COL9A1: variants seen among roughly 807,000 people sequenced by gnomAD.
The protein encoded by COL9A1 is collagen type IX alpha 1 chain.
In COL9A1, 104 loss-of-function variants were observed where a neutral mutation model predicts 142.6. The ratio of observed to expected loss-of-function variants is 0.73; its 90% CI spans 0.62 to 0.86. The LOEUF (loss-of-function observed/expected upper bound fraction) is 0.86, where lower values mean the gene tolerates loss of function less well. Ranked by LOEUF, COL9A1 falls within the 40% of genes least tolerant of loss-of-function variation. The pLI is 0.00. For missense variants in COL9A1, 1,210 were observed against 1,176.6 expected (o/e 1.03, Z -0.42); for synonymous variants, 466 against 396.0 (o/e 1.18, Z -2.10).
At chr6:70,267,447 C>T (rs1216015090) in intron 17 of COL9A1, among the ~76,000 whole-genome samples, 1 of 151,376 alleles carries the variant, frequency 6.6e-6, no homozygotes, top group Non-Finnish European at 1.5e-5. Flanking sequence ...CTCAGCTTCC[C>T]GAGTAGCTGG....
intron 28 of COL9A1, among the ~76,000 whole-genome samples, chr6:70,249,895 A>G (rs1269721424): frequency 6.6e-6 from 1 of 152,098 alleles, no homozygotes; most frequent in Non-Finnish European, 1.5e-5. Flanking sequence ...TTTTGTATTC[A>G]TGCATGGTTC....
intron 5 of COL9A1, among the ~76,000 whole-genome samples, chr6:70,285,893 C>CTTT (rs1562327494): frequency 2.0e-5 from 3 of 151,936 alleles, no homozygotes; most frequent in African/African-American, 7.3e-5. Flanking sequence ...TTCTTTCTTT[C>CTTT]TTTTTTATTT....
chr6:70,296,999 A>C (rs987043956), intron 4 of COL9A1, among the ~76,000 whole-genome samples: 6 of 152,096 alleles, frequency 3.9e-5, no homozygotes, highest in African/African-American at 1.4e-4. Context: ...TCCTTTAAAA[A>C]GTCTATTTTG....
chr6:70,239,029 C>T (rs1562295426), intron 33 of COL9A1, among the ~76,000 whole-genome samples: 1 of 152,096 alleles, frequency 6.6e-6, no homozygotes. Flanking sequence ...ATCCCAGCTA[C>T]TTGGGAGGCT....
rs1771329366 is a variant in COL9A1, at chr6:70,256,821, C to T, written c.1450G>A (p.Gly484Ser). ...TGIVGDKGEK[G>S]ARGLDGEPGP... ...GGTTCACCATCTAAGCCCCGAGCAC[C>T]CTGCAAAAAAACAAGACAATGGAAA... The change falls in exon 21 of 38, where the codon GGT (glycine) becomes AGT (serine). Residue 484 changes from glycine (G) to serine (S), a missense_variant and splice_region_variant. Transcript: ENST00000357250. 1.2e-6 allele frequency: 2 copies of T among 1,613,424 alleles called. No individual in the cohort carries two copies. The highest frequency in any genetic ancestry group is 1.7e-6 in the Non-Finnish European group (2 of 1,179,842).
intron 32 of COL9A1, 133 bp downstream of exon 32, chr6:70,240,556 A>C (rs1286788351): frequency 2.2e-6 from 1 of 450,540 alleles, no homozygotes; most frequent in Non-Finnish European, 3.9e-6. Flanking sequence ...GGCAGTGAGG[A>C]TAACAGTGTC....
intron 10 of COL9A1, chr6:70,279,666 A>AAAAAAAC (rs1562322878): frequency 1.2e-5 from 2 of 170,732 alleles, no homozygotes; most frequent in African/African-American, 5.2e-5. Context: ...AAAAAAAAAA[A>AAAAAAAC]AAAACACATA....
rs763970167 is a variant in COL9A1, at chr6:70,216,992, G to A, written c.2671C>T (p.Pro891Ser). 6.8e-6 allele frequency: 11 copies of A among 1,613,996 alleles called. No homozygotes were observed. The highest frequency in any genetic ancestry group is 6.7e-5 in the East Asian group (3 of 44,884). Residue 891 changes from proline to serine, a missense_variant, in exon 38 of 38, where the codon CCC (proline) becomes TCC (serine). By Grantham distance (74) the Pro-to-Ser change is moderately conservative (BLOSUM62 -1). Transcript: ENST00000357250. ...GVAGIPGVPGPPGPPGLPGFC... is the reference protein window; with the variant it reads ...GVAGIPGVPGSPGPPGLPGFC... ...CCGGGAAGCCCAGGAGGTCCCGGGG[G>A]TCCAGGCACTCCAGGAATTCCTGCC...
Position 70,242,027 on chromosome 6 carries a change from C to T in COL9A1, c.1935G>A (p.Leu645=). 6.3e-7 allele frequency: 1 copy of T among 1,594,186 alleles called. No individual in the cohort carries two copies. Among genetic ancestry groups the T allele is most frequent in the East Asian group, 2.3e-5 (1 of 43,990 alleles). Residue 645 remains leucine, a synonymous_variant, in exon 30 of 38, where the codon CTG becomes CTA. Transcript: ENST00000357250. ...SPGLPGKLGS[L]GSPGLPGLPG... ...GCAAGCCAGGGAGGCCAGGGCTACC[C>T]AGAGAACCCTGGAAAGCAAAAACAA...
chr6:70,233,240 C>A (rs1169043700), intron 35 of COL9A1, among the ~76,000 whole-genome samples: 3 of 152,176 alleles, frequency 2.0e-5, no homozygotes, highest in African/African-American at 7.2e-5. Context: ...CCATTTGAGA[C>A]CTCGCCTCAC....
At chr6:70,302,188 A>AT in intron 1 of COL9A1, 114 bp from the exon 2 acceptor site, 1 of 591,018 alleles carries the variant, frequency 1.7e-6, no homozygotes, top group Non-Finnish European at 3.1e-6. Context: ...ATCACAGTAT[A>AT]GTTTTTTTTT....
At chr6:70,232,344 G>A (rs777286475) in intron 36 of COL9A1, among the ~76,000 whole-genome samples, 1 of 152,156 alleles carries the variant, frequency 6.6e-6, no homozygotes, top group Non-Finnish European at 1.5e-5. Context: ...AAAAAGATCA[G>A]TCCTAAAAGA....
chr6:70,277,582 T>TC (rs1346893774), intron 10 of COL9A1, among the ~76,000 whole-genome samples: 9 of 152,222 alleles, frequency 5.9e-5, no homozygotes, highest in African/African-American at 2.2e-4. Context: ...GTTCTGAACT[T>TC]CATGTTACTG....
chr6:70,287,306 T>A (rs528861496), intron 5 of COL9A1, among the ~76,000 whole-genome samples: 1 of 152,232 alleles, frequency 6.6e-6, no homozygotes, highest in Non-Finnish European at 1.5e-5. Context: ...GCTAAGGAAT[T>A]TAAATATTAT....
intron 30 of COL9A1, 111 bp from the exon 31 acceptor site, chr6:70,241,565 G>C (rs954642076): frequency 7.9e-6 from 7 of 888,562 alleles, no homozygotes; most frequent in Non-Finnish European, 1.3e-5. Flanking sequence ...TGTGATGGGA[G>C]AGGACGTTCC....
At chr6:70,240,973 A>G (rs1166525911) in intron 31 of COL9A1, among the ~76,000 whole-genome samples, 1 of 152,224 alleles carries the variant, frequency 6.6e-6, no homozygotes, top group East Asian at 1.9e-4. Flanking sequence ...ATAAATGACC[A>G]TATTCAACAA....
chr6:70,260,579 A>G (rs1771609838), intron 20 of COL9A1, 78 bp downstream of exon 20: 1 of 1,258,802 alleles, frequency 7.9e-7, no homozygotes. Context: ...TGTTGAAGAT[A>G]AAAAGTTATG....
In COL9A1 at chr6:70,274,735, C is replaced by G. The variant is rs778526641; in HGVS notation, c.1013G>C (p.Gly338Ala). 6.2e-7 allele frequency: 1 copy of G among 1,612,498 alleles called. No individual in the cohort carries two copies. Among genetic ancestry groups the G allele is most frequent in the South Asian group, 1.1e-5 (1 of 91,050 alleles). The part of the protein sequence containing the change: ...TGPDGSPGSI[G>A]SKGQKGEPGV... ...CTAACTTACTTTTTGTCCCTTTGAC[C>G]CAATGGAGCCAGGGGATCCATCAGG... Residue 338 changes from glycine to alanine, a missense_variant, in exon 11 of 38, where the codon GGG (glycine) becomes GCG (alanine). By Grantham distance (60) the Gly-to-Ala change is moderately conservative. Transcript: ENST00000357250.
chr6:70,235,485 T>G (rs533216425), intron 33 of COL9A1, among the ~76,000 whole-genome samples: 1 of 152,118 alleles, frequency 6.6e-6, no homozygotes, highest in East Asian at 1.9e-4. Flanking sequence ...ATAATCTTTC[T>G]TTCGGGGATA....
Sources: gnomAD v4.1 joint callset for allele counts (sites outside exome capture counted in the v4.1 genomes callset) on GRCh38, gnomAD v4.1.1 for gene constraint, MANE v1.5 for transcripts, NCBI Gene and HGNC (gene_info 2026-07-23, HGNC 2026-07-21) for gene names.